Variants in FANCI observed in about 807,000 individuals in gnomAD.
FANCI encodes FA complementation group I.
Under a neutral mutation model 176.1 loss-of-function variants are expected in FANCI, and 156 were observed. That is an observed-to-expected ratio of 0.89 (90% CI 0.78 to 1.01). The LOEUF (loss-of-function observed/expected upper bound fraction) is 1.01. Among genes scored for constraint, FANCI ranks in the 50% least tolerant of loss-of-function variants. The pLI, the probability that FANCI is intolerant of heterozygous loss-of-function variation, is 0.00. For missense variants in FANCI, 1,678 were observed against 1,534.1 expected (o/e 1.09, Z -1.57); for synonymous variants, 613 against 541.7 (o/e 1.13, Z -1.83).
Position 89,273,361 on chromosome 15 carries a change from G to T in FANCI, c.883-16G>T, listed in dbSNP as rs2053276386. On this transcript the variant is annotated splice_polypyrimidine_tract_variant and intron_variant, in intron 10 of 37. Coordinates refer to ENST00000310775, the MANE Select transcript of FANCI (RefSeq NM_001113378.2). ...AAATGTAAGTAAATGACTTCCTTTT[G>T]GTTGCTCTCTTCTAGGTAGGACAGC... 1 of 1,298,762 alleles carries T rather than the reference G, an allele frequency of 7.7e-7. No homozygotes were observed. The highest frequency in any genetic ancestry group is 1.1e-6 in the Non-Finnish European group (1 of 904,474). The allele number at this position is 1,298,762 out of a possible 1,614,324, so 80.5% of individuals were successfully genotyped here.
chr15:89,293,605 T>C (rs1317772768), intron 22 of FANCI, among the ~76,000 whole-genome samples: 1 of 152,126 alleles, frequency 6.6e-6, no homozygotes, highest in Non-Finnish European at 1.5e-5. Flanking sequence ...GGGGAATCAC[T>C]TGAGCCTGGG....
chr15:89,260,778 TTGG>T lies in FANCI; in HGVS notation c.227_229del (p.Val76del). On this transcript the variant is annotated inframe_deletion, in exon 4 of 38. Coordinates refer to ENST00000310775, the MANE Select transcript of FANCI (RefSeq NM_001113378.2). The stretch of plus-strand genomic sequence containing the variant: ...TAAGATATACACTTGTTGTATCCAG[TTGG>T]TGGAATCGGGGGATTTGCAGAAAGA... The T allele has an allele frequency of 6.2e-7, 1 of 1,613,964 alleles. No individual in the cohort carries two copies. The highest frequency in any genetic ancestry group is 8.5e-7 in the Non-Finnish European group (1 of 1,179,918).
intron 34 of FANCI, among the ~76,000 whole-genome samples, chr15:89,310,812 A>T (rs1483522356): frequency 6.6e-6 from 1 of 152,214 alleles, no homozygotes; most frequent in Non-Finnish European, 1.5e-5. Context: ...TCCTGCCCAG[A>T]ACTGTATACC....
chr15:89,291,560 A>G (rs1028586904), intron 19 of FANCI, 53 bp from the exon 20 acceptor site: 3 of 1,454,466 alleles, frequency 2.1e-6, no homozygotes, highest in Admixed American at 1.7e-5. Flanking sequence ...AGAAGTTAAA[A>G]AAGTAAAAAG....
At chr15:89,314,931 A>G (rs2055158575) in intron 36 of FANCI, among the ~76,000 whole-genome samples, 1 of 145,084 alleles carries the variant, frequency 6.9e-6, no homozygotes, top group African/African-American at 2.6e-5. Flanking sequence ...CAGCCTCCAG[A>G]GTAGCTGGGA....
In FANCI at chr15:89,310,718, T is replaced by C. The variant is rs115207367; in HGVS notation, c.3652-2186T>C. 9.8e-3 allele frequency among the ~76,000 whole-genome samples: 1,488 copies of C among 152,378 alleles called. 23 individuals carry two copies. Among genetic ancestry groups the C allele is most frequent in the African/African-American group, 0.034 (1,415 of 41,592 alleles). On this transcript the variant is annotated intron_variant, in intron 34 of 37. Transcript: ENST00000310775. The stretch of plus-strand genomic sequence containing the variant: ...ACACCTCTCAGTGAACTGTTAATTC[T>C]CTTGTAGCCCCCTCTTCATTTCCCC...
chr15:89,314,759 T>C (rs1415158937), intron 36 of FANCI, 52 bp downstream of exon 36: 8 of 1,349,722 alleles, frequency 5.9e-6, no homozygotes, highest in Non-Finnish European at 8.5e-6. Flanking sequence ...TCTTGACAGA[T>C]CTGGCAAACT....
intron 27 of FANCI, 44 bp downstream of exon 27, chr15:89,301,486 G>T: frequency 7.7e-7 from 1 of 1,293,824 alleles, no homozygotes; most frequent in Non-Finnish European, 1.1e-6. Context: ...TTCCTCAGAA[G>T]GCAAGGATTA....
At chr15:89,280,928 C>T (rs1288938497) in intron 14 of FANCI, among the ~76,000 whole-genome samples, 1 of 152,146 alleles carries the variant, frequency 6.6e-6, no homozygotes, top group African/African-American at 2.4e-5. Flanking sequence ...TAATCGGTTT[C>T]TTCCTTTCTT....
chr15:89,295,221 C>A (rs2054207506), intron 24 of FANCI, 127 bp downstream of exon 24: 2 of 1,124,346 alleles, frequency 1.8e-6, no homozygotes. Context: ...GAATATAAAA[C>A]ATTAGCCAGG....
intron 36 of FANCI, 67 bp downstream of exon 36, chr15:89,314,774 C>G: frequency 8.6e-7 from 1 of 1,158,522 alleles, no homozygotes; most frequent in Non-Finnish European, 1.3e-6. Flanking sequence ...CAAACTGAAG[C>G]AGCACAACTA....
intron 1 of FANCI, among the ~76,000 whole-genome samples, chr15:89,246,970 C>T (rs1362214802): frequency 1.3e-5 from 2 of 151,422 alleles, no homozygotes; most frequent in African/African-American, 4.9e-5. Context: ...GGGGTTTCAC[C>T]GTGTTAGCCA....
At chr15:89,304,660 G>A (rs1291870561) in intron 28 of FANCI, among the ~76,000 whole-genome samples, 1 of 152,160 alleles carries the variant, frequency 6.6e-6, no homozygotes, top group Non-Finnish European at 1.5e-5. Context: ...GCTGTAGTAT[G>A]TGTAACACTG....
At chr15:89,308,806 C>G (rs2054831690) in intron 34 of FANCI, among the ~76,000 whole-genome samples, 1 of 152,200 alleles carries the variant, frequency 6.6e-6, no homozygotes, top group Non-Finnish European at 1.5e-5. Flanking sequence ...ATTAGCTGAG[C>G]ATGCTGGCGG....
chr15:89,268,644 A>T, intron 10 of FANCI, 119 bp downstream of exon 10: 3 of 1,229,202 alleles, frequency 2.4e-6, no homozygotes, highest in Non-Finnish European at 3.5e-6. Context: ...CTGGGTGTGG[A>T]GGATCTCTTT....
chr15:89,283,105 CT>C (rs756834689), intron 16 of FANCI, 30 bp from the exon 17 acceptor site: 1 of 1,611,154 alleles, frequency 6.2e-7, no homozygotes, highest in East Asian at 2.2e-5. Context: ...TGAAATAGTA[CT>C]GTTTGTTAAC....
At chr15:89,253,683 G>A (rs1337390328) in intron 2 of FANCI, among the ~76,000 whole-genome samples, 2 of 149,516 alleles carry the variant, frequency 1.3e-5, no homozygotes, top group Admixed American at 6.8e-5. Flanking sequence ...TGTGTGGCCA[G>A]AAATACCATA....
At chr15:89,281,599 T>A (rs780952369) in intron 15 of FANCI, among the ~76,000 whole-genome samples, 166 bp from the exon 16 acceptor site, 2 of 152,236 alleles carry the variant, frequency 1.3e-5, no homozygotes, top group Non-Finnish European at 2.9e-5. Flanking sequence ...TTCATTTTAG[T>A]GTTTCAGAGT....
intron 27 of FANCI, among the ~76,000 whole-genome samples, chr15:89,303,143 A>T (rs1014352577): frequency 1.3e-5 from 2 of 152,216 alleles, no homozygotes; most frequent in Admixed American, 1.3e-4. Flanking sequence ...TGAGCACGGT[A>T]TTCTGAAGAT....
Sources: gnomAD v4.1 joint callset for allele counts (sites outside exome capture counted in the v4.1 genomes callset) on GRCh38, gnomAD v4.1.1 for gene constraint, MANE v1.5 for transcripts, NCBI Gene and HGNC (gene_info 2026-07-23, HGNC 2026-07-21) for gene names.